Variants in MAPKAP1 observed in about 807,000 individuals in gnomAD.
The protein encoded by MAPKAP1 is MAPK associated protein 1.
A neutral mutation model predicts 65.7 loss-of-function variants in MAPKAP1; 20 were observed. That is an observed-to-expected ratio of 0.30 (90% CI 0.21 to 0.44). MAPKAP1 has a LOEUF of 0.44. MAPKAP1 is among the 20% of genes least tolerant of loss of function. The pLI, the probability that MAPKAP1 is intolerant of heterozygous loss-of-function variation, is 1.00. For missense variants in MAPKAP1, 423 were observed against 648.0 expected, an observed-to-expected ratio of 0.65 and a Z score of 3.77; for synonymous variants, 222 against 244.3, an observed-to-expected ratio of 0.91 and a Z score of 0.85.
intron 7 of MAPKAP1, among the ~76,000 whole-genome samples, chr9:125,535,157 A>G (rs1448579106): frequency 2.0e-5 from 3 of 151,910 alleles, no homozygotes; most frequent in African/African-American, 7.3e-5. Context: ...TCCTGCTCCA[A>G]TGATTTGGAA....
Position 125,582,668 on chromosome 9 carries a change from A to C in MAPKAP1, c.671+2887T>G, listed in dbSNP as rs559675970. Reference sequence around the variant, plus strand: ...TTGGCACCCCAGAAACACAACTTTAAATGAGCCACAGACCCAAGCAGCCTT... The same window carrying C: ...TTGGCACCCCAGAAACACAACTTTACATGAGCCACAGACCCAAGCAGCCTT... On this transcript the variant is annotated intron_variant, in intron 5 of 11. Transcript: ENST00000265960. Among the ~76,000 whole-genome samples, 29 of 152,226 alleles carry C rather than the reference A, an allele frequency of 1.9e-4. No homozygotes were observed. In the South Asian group the frequency reaches 5.4e-3, roughly 28 times the overall value.
chr9:125,700,719 T>C (rs529678360), intron 1 of MAPKAP1, among the ~76,000 whole-genome samples: 8 of 152,264 alleles, frequency 5.3e-5, no homozygotes, highest in Non-Finnish European at 1.2e-4. Flanking sequence ...TTTATTCCCT[T>C]TATTTTTATA....
At chr9:125,705,686 G>A (rs147707953) in intron 1 of MAPKAP1, among the ~76,000 whole-genome samples, 31 of 152,230 alleles carry the variant, frequency 2.0e-4, no homozygotes, top group Admixed American at 1.5e-3. Flanking sequence ...AGCGCTTATA[G>A]AATTCTAGAG....
At chr9:125,457,142 C>T (rs1346526708) in intron 10 of MAPKAP1, among the ~76,000 whole-genome samples, 1 of 152,044 alleles carries the variant, frequency 6.6e-6, no homozygotes, top group Admixed American at 6.6e-5. Flanking sequence ...GCATAAGCCA[C>T]CATGCCTGGC....
chr9:125,526,054 C>T (rs966390220), intron 7 of MAPKAP1, among the ~76,000 whole-genome samples: 2 of 152,160 alleles, frequency 1.3e-5, no homozygotes, highest in Non-Finnish European at 2.9e-5. Context: ...GGCTGGCTGC[C>T]GAGATTCAGG....
At chr9:125,612,057 T>C (rs1832615929) in intron 4 of MAPKAP1, among the ~76,000 whole-genome samples, 1 of 152,232 alleles carries the variant, frequency 6.6e-6, no homozygotes, top group East Asian at 1.9e-4. Flanking sequence ...AAATGTAATA[T>C]GCTCCAATGA....
intron 5 of MAPKAP1, 68 bp downstream of exon 5, chr9:125,585,487 C>T: frequency 6.4e-7 from 1 of 1,553,526 alleles, no homozygotes; most frequent in Non-Finnish European, 8.8e-7. Context: ...GACTAACCAG[C>T]CTAGAAGACA....
At position 125,631,557 on chromosome 9, in the gene MAPKAP1, C is replaced by CTA. The variant is rs574204522; in HGVS notation, c.498+26092_498+26093dup. ...GTAAATGTCTGTTGTACAGAACTTA[C>CTA]TATACCTCACCACACTAAATTCCCT... On this transcript the variant is annotated intron_variant, in intron 4 of 11. Transcript: ENST00000265960. 8.5e-5 allele frequency among the ~76,000 whole-genome samples: 13 copies of CTA among 152,340 alleles called. No homozygotes were observed. The East Asian group carries it at 2.3e-3, about 27-fold the overall frequency.
intron 5 of MAPKAP1, chr9:125,567,430 TCC>T (rs1313435918): frequency 6.6e-6 from 1 of 152,114 alleles, no homozygotes; most frequent in East Asian, 1.9e-4. Flanking sequence ...ACTGCTACAC[TCC>T]CACCAGCGCC....
chr9:125,564,741 G>C (rs947101624), intron 5 of MAPKAP1, among the ~76,000 whole-genome samples: 1 of 152,198 alleles, frequency 6.6e-6, no homozygotes, highest in Non-Finnish European at 1.5e-5. Context: ...ATGTTGCTAA[G>C]ATTTCTTGCA....
chr9:125,661,737 T>C (rs575365146), intron 3 of MAPKAP1, among the ~76,000 whole-genome samples: 65 of 152,318 alleles, frequency 4.3e-4, no homozygotes, highest in Admixed American at 3.0e-3. Context: ...TTTCTGACTT[T>C]GAAGCCATGT....
intron 5 of MAPKAP1, among the ~76,000 whole-genome samples, chr9:125,582,570 C>T (rs533142696): frequency 6.6e-6 from 1 of 152,312 alleles, no homozygotes; most frequent in African/African-American, 2.4e-5. Flanking sequence ...GTTCAGGGTT[C>T]CTGTAATACT....
intron 4 of MAPKAP1, among the ~76,000 whole-genome samples, chr9:125,586,408 G>A (rs1382659505): frequency 6.6e-6 from 1 of 152,044 alleles, no homozygotes; most frequent in Non-Finnish European, 1.5e-5. Flanking sequence ...ATCCTCAGCT[G>A]CTTTTTAAAA....
chr9:125,442,923 T>C (rs1247081157), intron 11 of MAPKAP1, among the ~76,000 whole-genome samples: 2 of 152,226 alleles, frequency 1.3e-5, no homozygotes, highest in Non-Finnish European at 2.9e-5. Flanking sequence ...TCTTAGGTCA[T>C]GCATATCTGG....
intron 7 of MAPKAP1, among the ~76,000 whole-genome samples, chr9:125,526,786 CTTTTTTT>C (rs1185754309): frequency 1.4e-5 from 2 of 141,224 alleles, no homozygotes; most frequent in African/African-American, 5.1e-5. Context: ...TTTCTTTTTT[CTTTTTTT>C]TTTTGAGAGT....
intron 4 of MAPKAP1, among the ~76,000 whole-genome samples, chr9:125,627,759 C>T (rs1278602477): frequency 6.6e-6 from 1 of 152,088 alleles, no homozygotes; most frequent in African/African-American, 2.4e-5. Context: ...CGATTTTATC[C>T]TACTTTACGG....
chr9:125,489,759 C>G (rs376141458), intron 8 of MAPKAP1, among the ~76,000 whole-genome samples: 2 of 152,122 alleles, frequency 1.3e-5, no homozygotes, highest in South Asian at 4.1e-4. Context: ...CAGGTGGAGT[C>G]TAGGGCCTGC....
At chr9:125,678,878 C>T (rs1834735048) in intron 1 of MAPKAP1, among the ~76,000 whole-genome samples, 1 of 152,034 alleles carries the variant, frequency 6.6e-6, no homozygotes, top group Non-Finnish European at 1.5e-5. Flanking sequence ...AAGAAACTTG[C>T]CCAAAGCCAG....
chr9:125,565,741 CAAAAAAAAAAAAAA>C (rs71374275), intron 5 of MAPKAP1: 5 of 149,088 alleles, frequency 3.4e-5, no homozygotes, highest in African/African-American at 1.5e-4. Context: ...TTCTCTCCTG[CAAAAAAAAAAAAAA>C]AAAAAAAAAA....
Sources: allele counts gnomAD v4.1 joint callset (sites outside exome capture counted in the v4.1 genomes callset), GRCh38; gene constraint gnomAD v4.1.1; transcripts MANE v1.5; gene names NCBI Gene and HGNC (gene_info 2026-07-23, HGNC 2026-07-21).